KHDRBS2: variants seen among roughly 807,000 people sequenced by gnomAD.
KHDRBS2 encodes the protein KH domain-containing, RNA-binding, signal transduction-associated protein 2.
KHDRBS2 carries 26 observed loss-of-function variants against 44.3 expected under a neutral mutation model. That is an observed-to-expected ratio of 0.59 (90% CI 0.43 to 0.81). KHDRBS2 has a LOEUF of 0.81. Ranked by LOEUF, KHDRBS2 falls within the 40% of genes least tolerant of loss-of-function variation. The pLI is 0.00. For missense variants in KHDRBS2, 476 were observed against 433.1 expected (o/e 1.10, Z -0.88); for synonymous variants, 194 against 151.1 (o/e 1.28, Z -2.08).
At chr6:61,654,138 C>T in the KHDRBS2 span, among the ~76,000 whole-genome samples, 1 of 151,968 alleles carries the variant, frequency 6.6e-6, no homozygotes, top group Non-Finnish European at 1.5e-5. Context: ...GGAAATAGAT[C>T]TGGAGACCCT....
At chr6:62,064,789 A>T (rs1259294014) in intron 2 of KHDRBS2, among the ~76,000 whole-genome samples, 50 of 152,042 alleles carry the variant, frequency 3.3e-4, no homozygotes, top group Non-Finnish European at 2.9e-5. Context: ...ATGGGATCTA[A>T]TTAAACTAAA....
chr6:61,598,791 A>G, the KHDRBS2 span, among the ~76,000 whole-genome samples: 7 of 149,524 alleles, frequency 4.7e-5, no homozygotes, highest in Non-Finnish European at 4.4e-5. Flanking sequence ...AGTGACAGCC[A>G]AATTCTAAAC....
chr6:61,753,187 C>T (rs1777988897), intron 6 of KHDRBS2, among the ~76,000 whole-genome samples: 2 of 152,088 alleles, frequency 1.3e-5, no homozygotes, highest in Non-Finnish European at 2.9e-5. Context: ...TCTCTCTCTC[C>T]TCATTCTCCA....
chr6:61,963,198 G>A (rs1387575891), intron 4 of KHDRBS2, among the ~76,000 whole-genome samples: 1 of 152,022 alleles, frequency 6.6e-6, no homozygotes, highest in African/African-American at 2.4e-5. Context: ...CTAAACATGA[G>A]ATAAACTCCT....
intron 1 of KHDRBS2, among the ~76,000 whole-genome samples, chr6:62,178,786 G>C (rs1422878314): frequency 6.6e-6 from 1 of 151,264 alleles, no homozygotes. Flanking sequence ...TTTGCTCTTA[G>C]TCAATGTACT....
chr6:61,798,243 T>C (rs1252865263), intron 6 of KHDRBS2, among the ~76,000 whole-genome samples: 2 of 152,088 alleles, frequency 1.3e-5, no homozygotes, highest in African/African-American at 2.4e-5. Context: ...ATACTATTAG[T>C]CTATGTTTGT....
chr6:62,102,670 G>A (rs1366887559), intron 2 of KHDRBS2, among the ~76,000 whole-genome samples: 2 of 152,136 alleles, frequency 1.3e-5, no homozygotes, highest in African/African-American at 2.4e-5. Flanking sequence ...GTCACATGGG[G>A]TGGCTGCCAG....
At chr6:61,626,905 G>A in the KHDRBS2 span, among the ~76,000 whole-genome samples, 2 of 151,846 alleles carry the variant, frequency 1.3e-5, no homozygotes, top group Non-Finnish European at 2.9e-5. Context: ...GCCTGCTGGA[G>A]TTTCCACCTG....
At chr6:62,158,086 T>C (rs991215255) in intron 2 of KHDRBS2, among the ~76,000 whole-genome samples, 6 of 152,212 alleles carry the variant, frequency 3.9e-5, no homozygotes, top group Non-Finnish European at 8.8e-5. Flanking sequence ...ATGTAATCAT[T>C]ATCTCCTTTC....
intron 4 of KHDRBS2, among the ~76,000 whole-genome samples, chr6:61,962,026 C>T (rs1300592627): frequency 6.6e-6 from 1 of 151,798 alleles, no homozygotes; most frequent in Non-Finnish European, 1.5e-5. Flanking sequence ...ACCTGTGTTC[C>T]ATGAAAAATA....
intron 6 of KHDRBS2, among the ~76,000 whole-genome samples, chr6:61,797,408 C>T (rs1317461396): frequency 1.3e-5 from 2 of 152,050 alleles, no homozygotes; most frequent in Admixed American, 1.3e-4. Flanking sequence ...CTTTAACTGG[C>T]AAGAGGTGAG....
rs866448491 is a variant in KHDRBS2, at chr6:62,089,509, G to A, written c.220-41515C>T. On this transcript the variant is annotated intron_variant, in intron 2 of 8. Coordinates refer to ENST00000281156, the MANE Select transcript of KHDRBS2 (RefSeq NM_152688.4). ...TTCCCTGACCCCTTGCACTTTTCAGGTGAGGTGATGCCCCACCCTCCTTCT... is the reference window on the plus strand; with the variant it reads ...TTCCCTGACCCCTTGCACTTTTCAGATGAGGTGATGCCCCACCCTCCTTCT... 2.0e-5 allele frequency among the ~76,000 whole-genome samples: 3 copies of A among 152,216 alleles called. No individual in the cohort carries two copies. In the Middle Eastern group the frequency reaches 0.01, roughly 518 times the overall value.
chr6:62,064,018 C>T (rs1051444772), intron 2 of KHDRBS2, among the ~76,000 whole-genome samples: 2 of 147,510 alleles, frequency 1.4e-5, no homozygotes, highest in African/African-American at 2.5e-5. Context: ...CATGAGTGAA[C>T]TCCCATTCAC....
At chr6:62,208,564 G>C (rs1336089975) in intron 1 of KHDRBS2, among the ~76,000 whole-genome samples, 1 of 152,116 alleles carries the variant, frequency 6.6e-6, no homozygotes, top group African/African-American at 2.4e-5. Flanking sequence ...ACCTTTATGA[G>C]GTGGTTATTT....
chr6:61,938,177 TG>T (rs1345746805), intron 4 of KHDRBS2, among the ~76,000 whole-genome samples: 1 of 152,104 alleles, frequency 6.6e-6, no homozygotes, highest in East Asian at 1.9e-4. Context: ...AATCTGTTGG[TG>T]GTCTAAATGA....
the KHDRBS2 span, among the ~76,000 whole-genome samples, chr6:61,607,905 C>A: frequency 6.6e-6 from 1 of 152,166 alleles, no homozygotes; most frequent in Admixed American, 6.5e-5. Flanking sequence ...CCAGGCTGGT[C>A]TCAAACTCCT....
At chr6:62,113,107 T>C (rs1805401746) in intron 2 of KHDRBS2, among the ~76,000 whole-genome samples, 1 of 152,142 alleles carries the variant, frequency 6.6e-6, no homozygotes, top group African/African-American at 2.4e-5. Context: ...AATATCTCAT[T>C]TGAAATTTAA....
intron 2 of KHDRBS2, among the ~76,000 whole-genome samples, chr6:62,062,324 C>T (rs1441933385): frequency 7.0e-6 from 1 of 143,570 alleles, no homozygotes; most frequent in South Asian, 2.3e-4. Flanking sequence ...ACAGAATATA[C>T]ATTTTTTTCA....
chr6:61,745,483 T>TAATGCTTTATGTAA (rs1451045743), intron 6 of KHDRBS2, among the ~76,000 whole-genome samples: 1 of 152,120 alleles, frequency 6.6e-6, no homozygotes, highest in Non-Finnish European at 1.5e-5. Context: ...TTTATGTACT[T>TAATGCTTTATGTAA]CATATTGTAG....
Sources: allele counts gnomAD v4.1 joint callset (sites outside exome capture counted in the v4.1 genomes callset), GRCh38; gene constraint gnomAD v4.1.1; transcripts MANE v1.5; gene names NCBI Gene and HGNC (gene_info 2026-07-23, HGNC 2026-07-21).